Variants in CLPTM1L observed in about 807,000 individuals in gnomAD.
The protein encoded by CLPTM1L is CLPTM1 like, also known as lipid scramblase CLPTM1L.
A neutral mutation model predicts 70.9 loss-of-function variants in CLPTM1L; 38 were observed. The observed-to-expected ratio is 0.54, with a 90% CI of 0.41 to 0.70. CLPTM1L has a LOEUF of 0.70. CLPTM1L is among the 30% of genes least tolerant of loss of function. The pLI is 0.00. For synonymous variants in CLPTM1L, 339 were observed against 299.9 expected, an observed-to-expected ratio of 1.13 and a Z score of -1.35; for missense variants, 652 against 705.9, an observed-to-expected ratio of 0.92 and a Z score of 0.87.
intron 3 of CLPTM1L, among the ~76,000 whole-genome samples, 158 bp downstream of exon 3, chr5:1,341,513 A>G (rs150007149): frequency 3.2e-4 from 48 of 152,368 alleles, no homozygotes; most frequent in Non-Finnish European, 5.9e-4. Flanking sequence ...GATTCAGCTG[A>G]AAGTCAGAAA....
intron 5 of CLPTM1L, 47 bp from the exon 6 acceptor site, chr5:1,335,221 C>T: frequency 6.6e-7 from 1 of 1,505,176 alleles, no homozygotes; most frequent in African/African-American, 1.4e-5. Flanking sequence ...TACCCTTGCA[C>T]CCAGCTGCCT....
chr5:1,325,459 CA>C, intron 10 of CLPTM1L: 1 of 486,372 alleles, frequency 2.1e-6, no homozygotes, highest in Non-Finnish European at 3.7e-6. Flanking sequence ...GACAAGGTGC[CA>C]AAACGAAGCA....
intron 13 of CLPTM1L, among the ~76,000 whole-genome samples, chr5:1,322,277 G>A (rs770824463): frequency 2.6e-5 from 4 of 152,324 alleles, no homozygotes; most frequent in East Asian, 1.9e-4. Context: ...ACAAAGCTGC[G>A]ATCAGGGCTG....
At chr5:1,323,641 G>C (rs1462355683) in intron 12 of CLPTM1L, 146 bp downstream of exon 12, 2 of 652,594 alleles carry the variant, frequency 3.1e-6, no homozygotes, top group Admixed American at 4.6e-5. Flanking sequence ...ACCGTGTGCA[G>C]CTGCAGGGGC....
chr5:1,322,751 A>C (rs1174628650), intron 13 of CLPTM1L, 126 bp downstream of exon 13: 1 of 962,756 alleles, frequency 1.0e-6, no homozygotes, highest in Non-Finnish European at 1.7e-6. Flanking sequence ...ATGTGCCAGA[A>C]CAGGGTGGGG....
At chr5:1,336,458 G>C (rs1463274953) in intron 5 of CLPTM1L, among the ~76,000 whole-genome samples, 1 of 152,202 alleles carries the variant, frequency 6.6e-6, no homozygotes, top group Non-Finnish European at 1.5e-5. Context: ...CAGATCTGCA[G>C]ACAGACACAC....
At chr5:1,341,959 T>C in intron 2 of CLPTM1L, 99 bp from the exon 3 acceptor site, 1 of 985,592 alleles carries the variant, frequency 1.0e-6, no homozygotes, top group South Asian at 1.7e-5. Context: ...AAACTAATTT[T>C]AGCTCAGAAG....
In CLPTM1L at chr5:1,318,111, G is replaced by C. The variant is rs991114101; in HGVS notation, c.*258C>G. On this transcript the variant is annotated 3_prime_UTR_variant, in exon 17 of 17. Transcript: ENST00000320895. This position sits in a 1 kb window ranked among gnomAD's most constrained non-coding sequence, Gnocchi z 8.9. ...GGACATGGCCGAACCCCGGACACTC[G>C]TGTGCCGGGAGCCACCACAGCTCAA... 13 of 503,662 alleles carry C rather than the reference G, an allele frequency of 2.6e-5. No homozygotes were observed. Among genetic ancestry groups the C allele is most frequent in the East Asian group, 6.6e-5 (2 of 30,142 alleles). The allele number at this position is 503,662 out of a possible 1,614,324, so 31.2% of individuals were successfully genotyped here.
At chr5:1,328,776 G>A (rs1430177148) in intron 9 of CLPTM1L, among the ~76,000 whole-genome samples, 1 of 150,408 alleles carries the variant, frequency 6.6e-6, no homozygotes, top group Non-Finnish European at 1.5e-5. Flanking sequence ...ACTCCATCCA[G>A]ATCCTCCTCT....
At chr5:1,330,651 C>T (rs563762712) in intron 8 of CLPTM1L, 11 of 484,722 alleles carry the variant, frequency 2.3e-5, no homozygotes, top group Non-Finnish European at 3.7e-5. Context: ...GAGCATGGAA[C>T]GTGGGCAGAG....
intron 16 of CLPTM1L, 168 bp downstream of exon 16, chr5:1,320,448 G>A: frequency 2.0e-6 from 1 of 488,048 alleles, no homozygotes; most frequent in East Asian, 3.4e-5. Flanking sequence ...CATATCATGG[G>A]CAACTGGAAC....
chr5:1,338,737 C>G (rs1020502576), intron 4 of CLPTM1L, 123 bp downstream of exon 4: 1 of 1,126,070 alleles, frequency 8.9e-7, no homozygotes, highest in African/African-American at 1.6e-5. Context: ...CTGGGAGGCC[C>G]GGGCAGCAAG....
rs1289475216 is a variant in CLPTM1L at position 1,341,775 on chromosome 5, G to A, written c.349C>T (p.Pro117Ser). The change falls in exon 3 of 17, where the codon CCG becomes TCG. Residue 117 changes from proline (P) to serine (S), a missense_variant. Physicochemically the swap from Pro to Ser is moderately conservative, Grantham distance 74 (BLOSUM62 -1). Around this residue, in one of 3 missense-constraint regions of CLPTM1L, gnomAD observed 402 missense variants for 388.2 expected, o/e 1.04. Transcript: ENST00000320895. ...TGCACCTGCTTCCCGTCGTGCCACG[G>A]CAGGACCCCAGCGTGATGGAGGAAG... ...YIFLHHAGVL[P>S]WHDGKQVHLV... 6.2e-7 allele frequency: 1 copy of A among 1,613,846 alleles called. No individual in the cohort carries two copies. Among genetic ancestry groups the A allele is most frequent in the Non-Finnish European group, 8.5e-7 (1 of 1,179,926 alleles).
chr5:1,324,087 C>T (rs1442172856), intron 11 of CLPTM1L: 5 of 566,770 alleles, frequency 8.8e-6, no homozygotes, highest in Non-Finnish European at 1.6e-5. Context: ...CCGGGTGTAA[C>T]TACAGGCGCT....
intron 3 of CLPTM1L, among the ~76,000 whole-genome samples, chr5:1,339,268 C>T (rs2111253214): frequency 6.7e-6 from 1 of 148,562 alleles, no homozygotes; most frequent in East Asian, 2.0e-4. Context: ...AGGGTCAGTG[C>T]CCTAACCTGT....
chr5:1,329,463 G>A (rs1165660328), intron 9 of CLPTM1L, among the ~76,000 whole-genome samples: 7 of 150,316 alleles, frequency 4.7e-5, no homozygotes, highest in Non-Finnish European at 8.9e-5. Flanking sequence ...ACTGCTTGGT[G>A]GACAGGGCCT....
At position 1,325,768 on chromosome 5, in the gene CLPTM1L, G is replaced by A. The variant is rs1439978772; in HGVS notation, c.1129C>T (p.Leu377=). The change falls in exon 10 of 17, where the codon CTG becomes TTG. Residue 377 remains leucine (L), a synonymous_variant. Coordinates refer to ENST00000320895, the MANE Select transcript of CLPTM1L (RefSeq NM_030782.5). ...ALKMTIFWRG[L]MPEFQFGTYS... ...AATCCTACCTGAAATTCGGGCATCA[G>A]GCCTCTCCAAAAAATAGTCATCTTC... The A allele has an allele frequency of 6.2e-7, 1 of 1,613,868 alleles. No homozygotes were observed.
intron 2 of CLPTM1L, 39 bp downstream of exon 2, chr5:1,344,312 T>C (rs1754133924): frequency 7.6e-7 from 1 of 1,310,276 alleles, no homozygotes; most frequent in South Asian, 1.2e-5. Context: ...ACATGAGTAA[T>C]GTTTTCCCTT....
chr5:1,335,433 G>A, intron 5 of CLPTM1L, among the ~76,000 whole-genome samples: 1 of 152,242 alleles, frequency 6.6e-6, no homozygotes. Flanking sequence ...TGCCTGGTCT[G>A]TTTTGCTGCA....
Sources: allele counts gnomAD v4.1 joint callset (sites outside exome capture counted in the v4.1 genomes callset), GRCh38; gene constraint gnomAD v4.1.1; regional missense constraint gnomAD v4.1.1; non-coding constraint Gnocchi (gnomAD v3.1); transcripts MANE v1.5; gene names NCBI Gene and HGNC (gene_info 2026-07-23, HGNC 2026-07-21).